The following FERMT3 variants were observed in gnomAD, a reference collection of about 807,000 sequenced individuals.
FERMT3 encodes fermitin family homolog 3.
A neutral mutation model predicts 80.8 loss-of-function variants in FERMT3; 33 were observed. That is an observed-to-expected ratio of 0.41 (90% CI 0.31 to 0.55). The LOEUF (loss-of-function observed/expected upper bound fraction) is 0.55. Among genes scored for constraint, FERMT3 ranks in the 20% least tolerant of loss-of-function variants. The pLI, the probability that FERMT3 is intolerant of heterozygous loss-of-function variation, is 0.31. For synonymous variants in FERMT3, 375 were observed against 372.2 expected (o/e 1.01, Z -0.09); for missense variants, 754 against 908.7 (o/e 0.83, Z 2.19).
intron 13 of FERMT3, among the ~76,000 whole-genome samples, chr11:64,222,240 CAAATAAATAAATAAATAAAT>C (rs56402636): frequency 6.6e-5 from 9 of 137,336 alleles, no homozygotes; most frequent in East Asian, 2.1e-4. Flanking sequence ...GACTCAGTCT[CAAATAAATAAATAAATAAAT>C]AAATAAATAA....
chr11:64,220,459 GGCTGGCTGCC>G lies in FERMT3; in HGVS notation c.1338_1347del (p.Gly447TrpfsTer125), dbSNP rs750938954. The G allele has an allele frequency of 6.2e-7, 1 of 1,610,592 alleles. No individual in the cohort carries two copies. Among genetic ancestry groups the G allele is most frequent in the Non-Finnish European group, 8.5e-7 (1 of 1,179,050 alleles). ...AGGAGCAGCAGTATGCCCGCTGGAT[GGCTGGCTGCC>G]GCCTGGCCTCCAAAGGCCGCACCAT... is the stretch of plus-strand genomic sequence containing the variant. On this transcript the variant is annotated frameshift_variant, in exon 12 of 15. Coordinates refer to ENST00000345728, the MANE Select transcript of FERMT3 (RefSeq NM_031471.6). LOFTEE classifies it high-confidence loss of function.
Position 64,223,555 on chromosome 11 carries a change from C to A in FERMT3, c.*63C>A. The A allele has an allele frequency of 6.5e-7, 1 of 1,530,586 alleles. No individual in the cohort carries two copies. The highest frequency in any genetic ancestry group is 8.8e-7 in the Non-Finnish European group (1 of 1,134,712). 94.8% of individuals were successfully genotyped at this position (1,530,586 alleles called of 1,614,324 possible). On this transcript the variant is annotated 3_prime_UTR_variant, in exon 15 of 15. Transcript: ENST00000345728. ...TCACAGCCACTCCCAAGCCCACACC[C>A]ACAGGGGCTCACTGCCCCACACCCG...
chr11:64,219,924 A>G lies in FERMT3; in HGVS notation c.1113A>G (p.Gln371=), dbSNP rs757320764. The G allele has an allele frequency of 1.9e-6, 3 of 1,613,820 alleles. No homozygotes were observed. Among genetic ancestry groups the G allele is most frequent in the Non-Finnish European group, 2.5e-6 (3 of 1,180,012 alleles). ...PRKLTLKGYR[Q]HWVVFKETTL... is the part of the protein sequence containing the mutation. Reference sequence around the variant, plus strand: ...AGCTGACCCTGAAGGGCTACCGCCAACACTGGGTGGTGTTCAAGGAGACCA... The same window carrying G: ...AGCTGACCCTGAAGGGCTACCGCCAGCACTGGGTGGTGTTCAAGGAGACCA... The change falls in exon 10 of 15, where the codon CAA becomes CAG. Residue 371 remains glutamine (Q), a synonymous_variant. Transcript: ENST00000345728. The surrounding 1 kb of genome is among the most constrained non-coding windows in gnomAD (Gnocchi z 4.0).
At chr11:64,214,804 G>A (rs1486973648) in intron 6 of FERMT3, among the ~76,000 whole-genome samples, 2 of 150,132 alleles carry the variant, frequency 1.3e-5, no homozygotes, top group African/African-American at 4.9e-5. Flanking sequence ...TTCTTTTATA[G>A]GGTTTTTTTT....
At chr11:64,217,542 T>G (rs1215133145) in intron 6 of FERMT3, among the ~76,000 whole-genome samples, 1 of 151,390 alleles carries the variant, frequency 6.6e-6, no homozygotes. Context: ...AGAGCAAAAC[T>G]CCATCTTAAA....
Position 64,223,193 on chromosome 11 carries a change from G to A in FERMT3, c.1812+4G>A. 1 of 1,613,774 alleles carries A rather than the reference G, an allele frequency of 6.2e-7. No individual in the cohort carries two copies. Among genetic ancestry groups the A allele is most frequent in the Non-Finnish European group, 8.5e-7 (1 of 1,180,036 alleles). Reference sequence around the variant, plus strand: ...TGTCAACTGGGACATCCGGCAGGTGGGCCCAGACCCAGGGTATATGGATGG... The same window carrying A: ...TGTCAACTGGGACATCCGGCAGGTGAGCCCAGACCCAGGGTATATGGATGG... On this transcript the variant is annotated splice_donor_region_variant and intron_variant, in intron 14 of 14. Coordinates refer to ENST00000345728, the MANE Select transcript of FERMT3 (RefSeq NM_031471.6).
Position 64,210,084 on chromosome 11 carries a change from G to A in FERMT3, c.161-527G>A, listed in dbSNP as rs1405436457. 6.6e-6 allele frequency among the ~76,000 whole-genome samples: 1 copy of A among 152,228 alleles called. No individual in the cohort carries two copies. Among genetic ancestry groups the A allele is most frequent in the Non-Finnish European group, 1.5e-5 (1 of 68,040 alleles). On this transcript the variant is annotated intron_variant, in intron 2 of 14. Transcript: ENST00000345728. This position sits in a 1 kb window ranked among gnomAD's most constrained non-coding sequence, Gnocchi z 4.3. ...TGTAAGATCGTTATTGTATCTTACA[G>A]GGAAACTGAGGCCCAGTGAGGTTAA...
chr11:64,213,130 A>G (rs1313004732), intron 6 of FERMT3, among the ~76,000 whole-genome samples: 1 of 150,658 alleles, frequency 6.6e-6, no homozygotes, highest in African/African-American at 2.5e-5. Context: ...ATCTCGGCTC[A>G]CTGCAACCTC....
In FERMT3 at chr11:64,207,804, T is replaced by C. The variant is rs2508209; in HGVS notation, c.160+280T>C. On this transcript the variant is annotated intron_variant, in intron 2 of 14. Transcript: ENST00000345728. ...CCAATAGGGGCAGAAGGAGTGGTCT[T>C]GTCTGGGCCGAGGCTGAAGTCACAT... The C allele has an allele frequency of 6.0e-3, 2,276 of 382,440 alleles. 52 individuals carry two copies. The highest frequency in any genetic ancestry group is 0.044 in the African/African-American group (2,118 of 48,674). 23.7% of individuals were successfully genotyped at this position (382,440 alleles called of 1,614,324 possible). A position where few individuals can be genotyped will look rare whatever the true frequency, so the allele number is the denominator to read the frequency against.
At chr11:64,220,831 C>G in intron 12 of FERMT3, 162 bp downstream of exon 12, 1 of 1,311,564 alleles carries the variant, frequency 7.6e-7, no homozygotes, top group Admixed American at 1.9e-5. Flanking sequence ...TGGGAGGAGT[C>G]ACGGTCCAGG....
At position 64,219,482 on chromosome 11, in the gene FERMT3, A is replaced by C. The variant is rs1288656411; in HGVS notation, c.895-42A>C. On this transcript the variant is annotated intron_variant, in intron 7 of 14. Transcript: ENST00000345728. The surrounding 1 kb of genome is among the most constrained non-coding windows in gnomAD (Gnocchi z 4.0). ...GGCCTGGGGGTACTGCTAGGGGACC[A>C]GGCTGCTGGACTCAGCCCTCCCTGG... 30 of 1,571,866 alleles carry C rather than the reference A, an allele frequency of 1.9e-5. No individual in the cohort carries two copies. The highest frequency in any genetic ancestry group is 2.7e-5 in the African/African-American group (2 of 73,970).
chr11:64,221,423 G>C (rs1384133532), intron 13 of FERMT3, among the ~76,000 whole-genome samples: 1 of 152,086 alleles, frequency 6.6e-6, no homozygotes, highest in Admixed American at 6.5e-5. Flanking sequence ...GAACCCAGGA[G>C]TTTGAGACCA....
chr11:64,221,617 C>T (rs770770301), intron 13 of FERMT3, among the ~76,000 whole-genome samples: 2 of 151,514 alleles, frequency 1.3e-5, no homozygotes, highest in Non-Finnish European at 2.9e-5. Context: ...GGTGACAAAG[C>T]GAGACTCTGT....
chr11:64,222,581 A>C (rs914207648), intron 13 of FERMT3, among the ~76,000 whole-genome samples: 2 of 151,556 alleles, frequency 1.3e-5, no homozygotes, highest in Admixed American at 6.6e-5. Flanking sequence ...AAAAAAAAAA[A>C]AAAAGAGATT....
Position 64,219,178 on chromosome 11 carries a change from G to C in FERMT3, c.787-73G>C, listed in dbSNP as rs889070422. ...GGGCAGAGGGCCAAGGCTGGCAGGG[G>C]CTCAGTGCAGGGCGTCCAGGGCAGC... On this transcript the variant is annotated intron_variant, in intron 6 of 14. Coordinates refer to ENST00000345728, the MANE Select transcript of FERMT3 (RefSeq NM_031471.6). This position sits in a 1 kb window ranked among gnomAD's most constrained non-coding sequence, Gnocchi z 4.0. The C allele has an allele frequency of 2.1e-6, 3 of 1,414,912 alleles. No individual in the cohort carries two copies. The highest frequency in any genetic ancestry group is 2.9e-6 in the Non-Finnish European group (3 of 1,027,180). 87.6% of individuals were successfully genotyped at this position (1,414,912 alleles called of 1,614,324 possible).
chr11:64,210,758 G>A lies in FERMT3; in HGVS notation c.308G>A (p.Arg103Gln), dbSNP rs1430138108. 25 of 1,614,012 alleles carry A rather than the reference G, an allele frequency of 1.5e-5. No homozygotes were observed. In the Admixed American group the frequency reaches 2.7e-4, roughly 17 times the overall value. Residue 103 changes from arginine (R) to glutamine (Q), a missense_variant, in exon 3 of 15, where the codon CGG (arginine) becomes CAG (glutamine). Physicochemically the swap from Arg to Gln is conservative, Grantham distance 43 (BLOSUM62 1). Coordinates refer to ENST00000345728, the MANE Select transcript of FERMT3 (RefSeq NM_031471.6). This position sits in a 1 kb window ranked among gnomAD's most constrained non-coding sequence, Gnocchi z 4.3. ...FGPQHRPVILRLPNRRALRLR... is the reference protein window; with the variant it reads ...FGPQHRPVILQLPNRRALRLR... ...CCCCAGCACCGGCCCGTCATCCTTC[G>A]GTTGCCCAACCGCCGCGCACTGCGC...
chr11:64,222,534 C>T (rs1443617103), intron 13 of FERMT3, among the ~76,000 whole-genome samples: 1 of 144,696 alleles, frequency 6.9e-6, no homozygotes, highest in East Asian at 2.0e-4. Flanking sequence ...CACTGTACTC[C>T]AGCCTGGCAA....
rs569695604 is a variant in FERMT3 at position 64,220,056 on chromosome 11, C to T, written c.1204+41C>T. The T allele has an allele frequency of 5.2e-5, 83 of 1,610,934 alleles. 1 individual carries two copies. The South Asian group carries it at 8.9e-4, about 17-fold the overall frequency. On this transcript the variant is annotated intron_variant, in intron 10 of 14. Transcript: ENST00000345728. ...CAGGGGCTGGGTGGGGGGATCCCCA[C>T]TTGTGGGCTAGGCAGGTGAATGCTC...
chr11:64,207,004 C>A (rs763201060), intron 1 of FERMT3, among the ~76,000 whole-genome samples, 190 bp downstream of exon 1: 3 of 152,128 alleles, frequency 2.0e-5, no homozygotes, highest in Non-Finnish European at 4.4e-5. Flanking sequence ...GGGTACGAAG[C>A]CATGGCCAGA....
Sources: gnomAD v4.1 joint callset for allele counts (sites outside exome capture counted in the v4.1 genomes callset) on GRCh38, gnomAD v4.1.1 for gene constraint, Gnocchi (gnomAD v3.1) non-coding constraint, MANE v1.5 for transcripts, NCBI Gene and HGNC (gene_info 2026-07-23, HGNC 2026-07-21) for gene names.